UBE2A: variants seen among roughly 807,000 people sequenced by gnomAD.
UBE2A encodes the protein ubiquitin-conjugating enzyme E2 A.
For missense variants in UBE2A, 27 were observed against 125.8 expected, an observed-to-expected ratio of 0.21 and a Z score of 3.76; for synonymous variants, 39 against 41.1, an observed-to-expected ratio of 0.95 and a Z score of 0.20.
At chrX:119,581,420 T>C in intron 3 of UBE2A, 87 bp from the exon 4 acceptor site, 1 of 667,876 alleles carries the variant, frequency 1.5e-6, no homozygotes, top group South Asian at 2.5e-5. Flanking sequence ...ATTTAATACT[T>C]GGAAAAACCC....
At chrX:119,575,093 G>T in intron 2 of UBE2A, 112 bp downstream of exon 2, 1 of 995,426 alleles carries the variant, frequency 1.0e-6, no homozygotes, top group Non-Finnish European at 1.4e-6. Context: ...AAATGTTTGG[G>T]TCTGGCTGGG....
Position 119,574,995 on chromosome X carries a change from C to T in UBE2A, c.125+14C>T, listed in dbSNP as rs376418391. 74 of 1,209,735 alleles carry T rather than the reference C, an allele frequency of 6.1e-5. No individual in the cohort carries two copies. The highest frequency in any genetic ancestry group is 7.9e-5 in the Non-Finnish European group (71 of 894,279). ...GGTCATTTTCGGGTGAGTCTGCGTTCGTGGCGGTGGCGAGAAAACTGGGGA... is the reference window on the plus strand; with the variant it reads ...GGTCATTTTCGGGTGAGTCTGCGTTTGTGGCGGTGGCGAGAAAACTGGGGA... On this transcript the variant is annotated intron_variant, in intron 2 of 5. Coordinates refer to ENST00000371558, the MANE Select transcript of UBE2A (RefSeq NM_003336.4).
chrX:119,575,342 A>G, intron 2 of UBE2A, 33 bp from the exon 3 acceptor site: 2 of 1,211,760 alleles, frequency 1.7e-6, no homozygotes, highest in Non-Finnish European at 2.2e-6. Flanking sequence ...GGGCCCCTTA[A>G]GTGGGAACTG....
chrX:119,575,355 C>T lies in UBE2A; in HGVS notation c.126-20C>T. On this transcript the variant is annotated intron_variant, in intron 2 of 5. Transcript: ENST00000371558. ...GGGGGCCCCTTAAGTGGGAACTGAC[C>T]ATTTTTCTCTGTGTTGCAGGCCTGA... The T allele has an allele frequency of 3.3e-6, 4 of 1,211,687 alleles. No individual in the cohort carries two copies. Among genetic ancestry groups the T allele is most frequent in the Non-Finnish European group, 4.5e-6 (4 of 895,413 alleles).
chrX:119,584,091 T>C lies in UBE2A; in HGVS notation c.*836T>C, dbSNP rs1191615167. 2 of 112,323 alleles carry C rather than the reference T, an allele frequency of 1.8e-5. No homozygotes were observed. The highest frequency in any genetic ancestry group is 6.5e-5 in the African/African-American group (2 of 30,816). The allele number at this position is 112,323 out of a possible 1,213,427, so 9.3% of individuals were successfully genotyped here. On this transcript the variant is annotated 3_prime_UTR_variant, in exon 6 of 6. Transcript: ENST00000371558. ...AATTGTCCATCTTTATTTTAGAGTT[T>C]TAATGAATTCAAGGAAGGGAGCATA... is the stretch of plus-strand genomic sequence containing the variant.
At chrX:119,581,633 A>G (rs376954745) in intron 4 of UBE2A, 37 bp downstream of exon 4, 519 of 1,024,501 alleles carry the variant, frequency 5.1e-4, no homozygotes, top group Non-Finnish European at 6.5e-4. Flanking sequence ...TTAAACTACT[A>G]TAGTGTTTAT....
intron 3 of UBE2A, among the ~76,000 whole-genome samples, chrX:119,576,614 ACC>A (rs2053417838): frequency 1.8e-5 from 2 of 111,676 alleles, no homozygotes; most frequent in Non-Finnish European, 3.8e-5. Context: ...TTTTGATGCT[ACC>A]AGTCCACAAA....
intron 3 of UBE2A, among the ~76,000 whole-genome samples, chrX:119,579,744 C>T (rs925518461): frequency 2.7e-5 from 3 of 111,704 alleles, no homozygotes; most frequent in Admixed American, 9.5e-5. Flanking sequence ...GCTTTACTAC[C>T]TTTAGATACC....
At chrX:119,579,509 T>C (rs1227601569) in intron 3 of UBE2A, among the ~76,000 whole-genome samples, 1 of 111,842 alleles carries the variant, frequency 8.9e-6, no homozygotes, top group Non-Finnish European at 1.9e-5. Context: ...GAACTATGCA[T>C]ATTCCTCTCA....
chrX:119,577,620 C>CA (rs1484865156), intron 3 of UBE2A, among the ~76,000 whole-genome samples: 10 of 80,996 alleles, frequency 1.2e-4, no homozygotes, highest in Admixed American at 2.9e-4. Flanking sequence ...GGTTCCCCCA[C>CA]AAAAAAAATT....
Position 119,583,295 on chromosome X carries a change from A to G in UBE2A, c.*40A>G, listed in dbSNP as rs777941864. On this transcript the variant is annotated 3_prime_UTR_variant, in exon 6 of 6. Transcript: ENST00000371558. ...TAAAGAAGCTGGCCATAAGAAAAATATATATTGATGTGTTTGTCACCTCCC... is the reference window on the plus strand; with the variant it reads ...TAAAGAAGCTGGCCATAAGAAAAATGTATATTGATGTGTTTGTCACCTCCC... 1 of 1,206,670 alleles carries G rather than the reference A, an allele frequency of 8.3e-7. No homozygotes were observed. The highest frequency in any genetic ancestry group is 3.0e-5 in the East Asian group (1 of 33,803).
At chrX:119,575,584 C>A in intron 3 of UBE2A, 184 bp downstream of exon 3, 1 of 492,486 alleles carries the variant, frequency 2.0e-6, no homozygotes. Context: ...ACTAGAACTG[C>A]ACCTTTCTTC....
At chrX:119,575,589 T>C (rs897209663) in intron 3 of UBE2A, 189 bp downstream of exon 3, 1 of 468,997 alleles carries the variant, frequency 2.1e-6, no homozygotes, top group Non-Finnish European at 3.4e-6. Flanking sequence ...AACTGCACCT[T>C]TCTTCTTGCT....
intron 2 of UBE2A, 142 bp from the exon 3 acceptor site, chrX:119,575,233 T>G: frequency 2.1e-6 from 2 of 933,472 alleles, no homozygotes; most frequent in Non-Finnish European, 3.0e-6. Flanking sequence ...CCTGTGTCTC[T>G]GAGCCCGGGA....
intron 4 of UBE2A, among the ~76,000 whole-genome samples, chrX:119,581,937 TA>T (rs761822713): frequency 1.8e-5 from 2 of 112,557 alleles, no homozygotes; most frequent in South Asian, 7.3e-4. Context: ...TTTAGAAAAG[TA>T]GTTTTCATTG....
rs1261293582 is a variant in UBE2A at position 119,574,775 on chromosome X, G to T, written c.44+20G>T. ...CAAGAGGTAAACCGAGGGGACGGCC[G>T]AGGCCGGGGGTTGCGAGCTGGGGCA... On this transcript the variant is annotated intron_variant, in intron 1 of 5. Transcript: ENST00000371558. The T allele has an allele frequency of 6.8e-6, 8 of 1,183,139 alleles. No individual in the cohort carries two copies. Among genetic ancestry groups the T allele is most frequent in the Non-Finnish European group, 9.1e-6 (8 of 881,905 alleles).
At chrX:119,582,371 T>C in intron 4 of UBE2A, 1 of 285,584 alleles carries the variant, frequency 3.5e-6, no homozygotes, top group Non-Finnish European at 6.2e-6. Flanking sequence ...ACTAAATATC[T>C]TCCAGTTTTA....
chrX:119,575,408 A>G lies in UBE2A; in HGVS notation c.151+8A>G, dbSNP rs763865136. On this transcript the variant is annotated splice_region_variant and intron_variant, in intron 3 of 5. Transcript: ENST00000371558. ...GGACCCCGTTTGAGGATGGTAAGAG[A>G]GAGTTTCTTTACCCACTTTTCAGGA... 8.3e-7 allele frequency: 1 copy of G among 1,211,064 alleles called. No individual in the cohort carries two copies. Among genetic ancestry groups the G allele is most frequent in the Admixed American group, 2.2e-5 (1 of 45,991 alleles).
intron 4 of UBE2A, among the ~76,000 whole-genome samples, chrX:119,581,960 G>C (rs2053453288): frequency 8.9e-6 from 1 of 112,231 alleles, no homozygotes; most frequent in South Asian, 3.6e-4. Flanking sequence ...ACGCATATCA[G>C]AATTACTGTG....
Sources: gnomAD v4.1 joint callset for allele counts (sites outside exome capture counted in the v4.1 genomes callset) on GRCh38, gnomAD v4.1.1 for gene constraint, MANE v1.5 for transcripts, NCBI Gene and HGNC (gene_info 2026-07-23, HGNC 2026-07-21) for gene names.